The following ADAMDEC1 variants were observed in gnomAD, a reference collection of about 807,000 sequenced individuals.
The protein encoded by ADAMDEC1 is ADAM like decysin 1, also known as ADAM DEC1.
In ADAMDEC1, 62 loss-of-function variants were observed where a neutral mutation model predicts 60.4. The ratio of observed to expected loss-of-function variants is 1.03; its 90% CI spans 0.84 to 1.27. The LOEUF (loss-of-function observed/expected upper bound fraction) is 1.27. Ranked by LOEUF, ADAMDEC1 falls within the 50% of genes most tolerant of loss-of-function variation. The pLI is 0.00. For synonymous variants in ADAMDEC1, 210 were observed against 195.1 expected (o/e 1.08, Z -0.64); for missense variants, 595 against 565.0 (o/e 1.05, Z -0.54).
Position 24,395,785 on chromosome 8 carries a change from T to G in ADAMDEC1, c.429T>G (p.Cys143Trp). Residue 143 changes from cysteine to tryptophan, a missense_variant, in exon 5 of 14, where the codon TGT becomes TGG. Cys to Trp is a radical substitution (Grantham distance 215). Transcript: ENST00000256412. Reference protein sequence around the residue: ...EKNSVASISTCDGLRGYFTHH... With the variant: ...EKNSVASISTWDGLRGYFTHH... ...ATTCTGTTGCCAGCATCAGTACTTG[T>G]GACGGGTTGAGGTAAGAACTACCAT... 6.2e-7 allele frequency: 1 copy of G among 1,613,104 alleles called. No individual in the cohort carries two copies. Among genetic ancestry groups the G allele is most frequent in the Middle Eastern group, 1.7e-4 (1 of 6,040 alleles).
At position 24,405,287 on chromosome 8, in the gene ADAMDEC1, A is replaced by G. The variant is rs199824073; in HGVS notation, c.1407-5A>G. On this transcript the variant is annotated splice_polypyrimidine_tract_variant and splice_region_variant and intron_variant, in intron 13 of 13. Transcript: ENST00000256412. ...GCTTCCAAATTTTATTTTTCCTTCAATCAGAGAGTGAATCCAAAAGTCTGC... is the reference window on the plus strand; with the variant it reads ...GCTTCCAAATTTTATTTTTCCTTCAGTCAGAGAGTGAATCCAAAAGTCTGC... 5.3e-4 allele frequency: 847 copies of G among 1,612,466 alleles called. No individual in the cohort carries two copies. Among genetic ancestry groups the G allele is most frequent in the Non-Finnish European group, 6.8e-4 (807 of 1,179,090 alleles).
intron 8 of ADAMDEC1, 57 bp downstream of exon 8, chr8:24,398,608 C>T: frequency 2.3e-6 from 3 of 1,281,820 alleles, no homozygotes; most frequent in Non-Finnish European, 3.3e-6. Flanking sequence ...CTGCCTGGAA[C>T]TTCCCTAAGA....
chr8:24,385,487 C>A (rs1373635615), intron 1 of ADAMDEC1, among the ~76,000 whole-genome samples: 3 of 152,120 alleles, frequency 2.0e-5, no homozygotes, highest in Non-Finnish European at 4.4e-5. Context: ...TTACTGAAGT[C>A]TTCAAATTCA....
chr8:24,392,480 A>T, intron 2 of ADAMDEC1, 100 bp downstream of exon 2: 3 of 846,436 alleles, frequency 3.5e-6, no homozygotes, highest in Non-Finnish European at 5.5e-6. Context: ...ACTATGTAAT[A>T]GTTTCATATT....
chr8:24,397,977 G>T (rs1817659860), intron 7 of ADAMDEC1, among the ~76,000 whole-genome samples: 1 of 151,116 alleles, frequency 6.6e-6, no homozygotes, highest in Non-Finnish European at 1.5e-5. Flanking sequence ...ATAGCTACAG[G>T]CAATCAACCA....
At chr8:24,389,882 G>C (rs546929039) in intron 1 of ADAMDEC1, among the ~76,000 whole-genome samples, 1 of 152,202 alleles carries the variant, frequency 6.6e-6, no homozygotes, top group South Asian at 2.1e-4. Context: ...TGATCATCTT[G>C]ATGTGACTAT....
intron 1 of ADAMDEC1, 79 bp downstream of exon 1, chr8:24,384,671 G>A (rs1817248919): frequency 7.5e-7 from 1 of 1,333,232 alleles, no homozygotes; most frequent in Non-Finnish European, 1.0e-6. Context: ...GAAAAAAAAT[G>A]GCATATGTTT....
At position 24,399,082 on chromosome 8, in the gene ADAMDEC1, G is replaced by A. The variant is rs6980597; in HGVS notation, c.929+42G>A. The A allele has an allele frequency of 7.0e-6, 11 of 1,579,446 alleles. No individual in the cohort carries two copies. In the Admixed American group the frequency reaches 1.3e-4, roughly 19 times the overall value. ...CAGGTGAATGTAGGCAGAATGGATA[G>A]CTATCCCCAGGGTTCCTTAGCAGGG... On this transcript the variant is annotated intron_variant, in intron 9 of 13. Transcript: ENST00000256412.
In ADAMDEC1 at chr8:24,393,243, T is replaced by C. The variant is rs576050647; in HGVS notation, c.208-19T>C. On this transcript the variant is annotated intron_variant, in intron 2 of 13. Transcript: ENST00000256412. ...ATGCTCAGAAATATAAATTGCTTGA[T>C]GTAATTAAATGTTTTCAGGAAAGGT... 1.1e-5 allele frequency: 16 copies of C among 1,461,680 alleles called. No individual in the cohort carries two copies. In the African/African-American group the frequency reaches 2.0e-4, roughly 18 times the overall value. The allele number at this position is 1,461,680 out of a possible 1,614,324, so 90.5% of individuals were successfully genotyped here.
At chr8:24,391,968 C>G (rs144982649) in intron 1 of ADAMDEC1, among the ~76,000 whole-genome samples, 112 of 152,162 alleles carry the variant, frequency 7.4e-4, no homozygotes, top group African/African-American at 2.5e-3. Flanking sequence ...AATCCATAAC[C>G]TGTCCTTTCT....
rs138029066 is a variant in ADAMDEC1, at chr8:24,398,988, T to C, written c.877T>C (p.Trp293Arg). The C allele has an allele frequency of 1.2e-6, 2 of 1,613,814 alleles. No homozygotes were observed. The highest frequency in any genetic ancestry group is 1.7e-6 in the Non-Finnish European group (2 of 1,179,824). Residue 293 changes from tryptophan (W) to arginine (R), a missense_variant, in exon 9 of 14, where the codon TGG (tryptophan) becomes CGG (arginine). By Grantham distance (101) the Trp-to-Arg change is moderately radical. Coordinates refer to ENST00000256412, the MANE Select transcript of ADAMDEC1 (RefSeq NM_014479.3). ...ASTTFDNFLR[W>R]HSSNLGKKIH... ...CACCACGTTTGACAACTTCCTGAGA[T>C]GGCACAGTTCTAACCTGGGGAAAAA...
chr8:24,386,733 C>T (rs1332674863), intron 1 of ADAMDEC1, among the ~76,000 whole-genome samples: 1 of 152,170 alleles, frequency 6.6e-6, no homozygotes, highest in African/African-American at 2.4e-5. Flanking sequence ...ATTATCCCAA[C>T]TTAAAATGAA....
rs759536290 is a variant in ADAMDEC1 at position 24,397,495 on chromosome 8, G to A, written c.627+39G>A. ...CCTTACCTCATCATTTACTTCAATT[G>A]TCTCAGCAAAGATAGGCAATATACT... is the stretch of plus-strand genomic sequence containing the variant. On this transcript the variant is annotated intron_variant, in intron 6 of 13. Transcript: ENST00000256412. The A allele has an allele frequency of 3.7e-6, 6 of 1,603,418 alleles. No individual in the cohort carries two copies. In the African/African-American group the frequency reaches 4.0e-5, roughly 11 times the overall value.
At chr8:24,385,700 C>A (rs754826022) in intron 1 of ADAMDEC1, among the ~76,000 whole-genome samples, 3 of 152,106 alleles carry the variant, frequency 2.0e-5, no homozygotes, top group Non-Finnish European at 2.9e-5. Context: ...GTATTTAAGA[C>A]AACTTCCGAA....
rs992169525 is a variant in ADAMDEC1 at position 24,384,368 on chromosome 8, AT to A, written c.-131del. 7.7e-5 allele frequency: 52 copies of A among 676,742 alleles called. No individual in the cohort carries two copies. In the African/African-American group the frequency reaches 7.8e-4, roughly 10 times the overall value. 41.9% of individuals were successfully genotyped at this position (676,742 alleles called of 1,614,324 possible). A position where few individuals can be genotyped will look rare whatever the true frequency, so the allele number is the denominator to read the frequency against. ...ACATTCTCATGATGTTGACACTGCAATTTTTTGACAATTTCCCAACACTCTT... is the reference window on the plus strand; with the variant it reads ...ACATTCTCATGATGTTGACACTGCAATTTTTGACAATTTCCCAACACTCTT... On this transcript the variant is annotated 5_prime_UTR_variant, in exon 1 of 14. It introduces an in-frame stop codon into an upstream open reading frame of the 5' UTR. Coordinates refer to ENST00000256412, the MANE Select transcript of ADAMDEC1 (RefSeq NM_014479.3).
chr8:24,400,632 C>CATATATATATATATATATAT (rs35748437), intron 11 of ADAMDEC1, among the ~76,000 whole-genome samples: 1 of 145,822 alleles, frequency 6.9e-6, no homozygotes, highest in African/African-American at 2.5e-5. Flanking sequence ...TGTTTCTTTT[C>CATATATATATATATATATAT]ATATATATAT....
rs774679242 is a variant in ADAMDEC1 at position 24,384,602 on chromosome 8, A to G, written c.88+10A>G. 4 of 1,599,348 alleles carry G rather than the reference A, an allele frequency of 2.5e-6. No homozygotes were observed. The stretch of plus-strand genomic sequence containing the variant: ...ATTGTTCAAACTCAAGGTACGTACC[A>G]TCACACCAGCATTTTACATAAAAGT... On this transcript the variant is annotated intron_variant, in intron 1 of 13. Transcript: ENST00000256412.
intron 11 of ADAMDEC1, among the ~76,000 whole-genome samples, chr8:24,401,539 C>T (rs577870181): frequency 5.9e-5 from 9 of 152,234 alleles, no homozygotes; most frequent in Admixed American, 5.2e-4. Context: ...CAACTACTTC[C>T]CTTCACTGGT....
chr8:24,392,520 C>G, intron 2 of ADAMDEC1, 140 bp downstream of exon 2: 1 of 570,498 alleles, frequency 1.8e-6, no homozygotes, highest in Non-Finnish European at 3.0e-6. Context: ...CCCCTTTGTT[C>G]AGGAGACAGC....
Sources: gnomAD v4.1 joint callset for allele counts (sites outside exome capture counted in the v4.1 genomes callset) on GRCh38, gnomAD v4.1.1 for gene constraint, MANE v1.5 for transcripts, NCBI Gene and HGNC (gene_info 2026-07-23, HGNC 2026-07-21) for gene names.